ATG2B: variants seen among roughly 807,000 people sequenced by gnomAD.
ATG2B encodes the protein autophagy related 2B.
In ATG2B, 121 loss-of-function variants were observed where a neutral mutation model predicts 241.3. The observed-to-expected ratio is 0.50, with a 90% confidence interval of 0.43 to 0.58. The LOEUF is 0.58. Ranked by LOEUF, ATG2B falls within the 20% of genes least tolerant of loss-of-function variation. The probability of loss-of-function intolerance (pLI) is 0.00; values close to 1 mark genes in which losing one functional copy is unlikely to be tolerated. For synonymous variants in ATG2B, 858 were observed against 876.6 expected (o/e 0.98, Z 0.37); for missense variants, 2,306 against 2,491.6 (o/e 0.93, Z 1.59).
At chr14:96,322,017 T>C (rs1887471328) in intron 18 of ATG2B, 95 bp downstream of exon 18, 2 of 885,874 alleles carry the variant, frequency 2.3e-6, no homozygotes, top group Non-Finnish European at 3.4e-6. Flanking sequence ...TGGCATATAA[T>C]ATTCAGGCAA....
chr14:96,362,803 G>C lies in ATG2B; in HGVS notation c.162+12C>G, dbSNP rs758452252. 16 of 1,586,018 alleles carry C rather than the reference G, an allele frequency of 1.0e-5. No individual in the cohort carries two copies. In the East Asian group the frequency reaches 1.8e-4, roughly 18 times the overall value. On this transcript the variant is annotated intron_variant, in intron 1 of 41. Coordinates refer to ENST00000359933, the MANE Select transcript of ATG2B (RefSeq NM_018036.7). ...AGCGAGCCCCGCCCGGCTCGCCGCC[G>C]GCAGCTCTTACCCATTTGTCCAAGG...
At chr14:96,325,069 C>A (rs140802669) in intron 15 of ATG2B, among the ~76,000 whole-genome samples, 1 of 152,058 alleles carries the variant, frequency 6.6e-6, no homozygotes, top group Non-Finnish European at 1.5e-5. Context: ...AAAATCAAAA[C>A]GAGTTTTACA....
At chr14:96,308,239 T>TATATATATAC (rs1566719606) in intron 29 of ATG2B, among the ~76,000 whole-genome samples, 245 of 17,468 alleles carry the variant, frequency 0.014, 5 homozygotes, top group Non-Finnish European at 0.025. Context: ...TACATATATA[T>TATATATATAC]ATATATATAT....
At chr14:96,295,434 T>C in intron 35 of ATG2B, 48 bp downstream of exon 35, 1 of 1,292,184 alleles carries the variant, frequency 7.7e-7, no homozygotes, top group Non-Finnish European at 1.1e-6. Flanking sequence ...ACAATTAAAA[T>C]CAATCCAAGT....
At chr14:96,311,392 G>T in intron 27 of ATG2B, 105 bp from the exon 28 acceptor site, 2 of 1,232,656 alleles carry the variant, frequency 1.6e-6, no homozygotes, top group African/African-American at 3.1e-5. Flanking sequence ...AATCTGTCTC[G>T]CTACATAAAA....
chr14:96,325,070 G>A (rs796274717), intron 15 of ATG2B, among the ~76,000 whole-genome samples: 8 of 152,216 alleles, frequency 5.3e-5, no homozygotes, highest in African/African-American at 1.9e-4. Context: ...AAATCAAAAC[G>A]AGTTTTACAA....
At chr14:96,288,218 A>C (rs558814118) in intron 41 of ATG2B, among the ~76,000 whole-genome samples, 1 of 152,272 alleles carries the variant, frequency 6.6e-6, no homozygotes, top group South Asian at 2.1e-4. Flanking sequence ...GGGGAAGGCC[A>C]CTGTCTGGCA....
intron 32 of ATG2B, among the ~76,000 whole-genome samples, 153 bp downstream of exon 32, chr14:96,304,342 T>A (rs925821064): frequency 1.3e-5 from 2 of 152,158 alleles, no homozygotes; most frequent in Admixed American, 1.3e-4. Flanking sequence ...CATTTGAGAA[T>A]GAAAAAGAGG....
At chr14:96,291,912 T>C in intron 37 of ATG2B, 117 bp downstream of exon 37, 1 of 741,300 alleles carries the variant, frequency 1.3e-6, no homozygotes, top group South Asian at 2.4e-5. Flanking sequence ...TTTAAAAACC[T>C]TGCACTTCAT....
chr14:96,334,327 G>T, intron 7 of ATG2B, 78 bp downstream of exon 7: 2 of 837,100 alleles, frequency 2.4e-6, no homozygotes, highest in African/African-American at 1.8e-5. Flanking sequence ...TTTCCTACAT[G>T]TACATACATT....
intron 1 of ATG2B, among the ~76,000 whole-genome samples, chr14:96,350,774 A>G (rs556876256): frequency 1.3e-3 from 195 of 152,290 alleles, no homozygotes; most frequent in African/African-American, 4.4e-3. Context: ...TGACATTTGC[A>G]TAATCCTAAA....
Position 96,289,591 on chromosome 14 carries a change from CT to C in ATG2B, c.6006+64del. On this transcript the variant is annotated intron_variant, in intron 41 of 41. Coordinates refer to ENST00000359933, the MANE Select transcript of ATG2B (RefSeq NM_018036.7). The surrounding 1 kb of genome is among the most constrained non-coding windows in gnomAD (Gnocchi z 4.3). ...GAATACATTTAAGCCATTAAATGCT[CT>C]TTAGGTGAAAGTTGGGAAAGCGCAC... is the stretch of plus-strand genomic sequence containing the variant. 1 of 1,577,148 alleles carries C rather than the reference CT, an allele frequency of 6.3e-7. No homozygotes were observed. Among genetic ancestry groups the C allele is most frequent in the African/African-American group, 1.4e-5 (1 of 73,532 alleles).
intron 41 of ATG2B, 130 bp from the exon 42 acceptor site, chr14:96,286,115 T>A: frequency 1.6e-6 from 1 of 640,388 alleles, no homozygotes; most frequent in Non-Finnish European, 2.6e-6. Flanking sequence ...CAAAAAAAAA[T>A]GCCATGCTTT....
intron 21 of ATG2B, 142 bp downstream of exon 21, chr14:96,316,391 A>G (rs529938852): frequency 1.6e-5 from 13 of 817,968 alleles, no homozygotes; most frequent in African/African-American, 3.5e-5. Flanking sequence ...TAATTTGTAA[A>G]TATTACTTTG....
chr14:96,318,187 C>A, intron 18 of ATG2B: 1 of 165,032 alleles, frequency 6.1e-6, no homozygotes, highest in Non-Finnish European at 1.3e-5. Context: ...AACAGAAGCT[C>A]ATGAAAAATA....
intron 32 of ATG2B, among the ~76,000 whole-genome samples, chr14:96,303,811 T>C (rs1189615201): frequency 6.6e-6 from 1 of 152,170 alleles, no homozygotes; most frequent in East Asian, 1.9e-4. Flanking sequence ...TTGACCTTGG[T>C]AAAATCCCTT....
chr14:96,280,964 T>C lies in ATG2B; in HGVS notation c.*4791A>G, dbSNP rs904735342. On this transcript the variant is annotated 3_prime_UTR_variant, in exon 42 of 42. Transcript: ENST00000359933. ...GTAAAAATACTCCTCCAAATAGTTATCAGTTTCGTGATATCAAACTAGGAG... is the reference window on the plus strand; with the variant it reads ...GTAAAAATACTCCTCCAAATAGTTACCAGTTTCGTGATATCAAACTAGGAG... The C allele has an allele frequency of 6.6e-6, 1 of 152,226 alleles. No homozygotes were observed. The highest frequency in any genetic ancestry group is 1.5e-5 in the Non-Finnish European group (1 of 68,040). 9.4% of individuals were successfully genotyped at this position (152,226 alleles called of 1,614,324 possible). A position where few individuals can be genotyped will look rare whatever the true frequency, so the allele number is the denominator to read the frequency against.
chr14:96,312,219 T>C, intron 25 of ATG2B, 60 bp from the exon 26 acceptor site: 2 of 1,123,900 alleles, frequency 1.8e-6, no homozygotes, highest in Non-Finnish European at 2.7e-6. Context: ...TCATACCCCA[T>C]AATCACTATA....
chr14:96,345,433 CAAT>C (rs1341123886), intron 2 of ATG2B, 48 bp from the exon 3 acceptor site: 29 of 1,378,748 alleles, frequency 2.1e-5, no homozygotes, highest in Non-Finnish European at 2.8e-5. Flanking sequence ...AGAGTTACAA[CAAT>C]GCCAGTTCTT....
Sources: gnomAD v4.1 joint callset for allele counts (sites outside exome capture counted in the v4.1 genomes callset) on GRCh38, gnomAD v4.1.1 for gene constraint, Gnocchi (gnomAD v3.1) non-coding constraint, MANE v1.5 for transcripts, NCBI Gene and HGNC (gene_info 2026-07-23, HGNC 2026-07-21) for gene names.